MYO7A: variants seen among roughly 807,000 people sequenced by gnomAD.
The protein encoded by MYO7A is myosin VIIA, also known as unconventional myosin-VIIa.
A neutral mutation model predicts 263.8 loss-of-function variants in MYO7A; 210 were observed. That is an observed-to-expected ratio of 0.80 (90% CI 0.71 to 0.89). The LOEUF is 0.89. MYO7A is among the 40% of genes least tolerant of loss of function. The probability of loss-of-function intolerance (pLI) is 0.00; values close to 1 mark genes in which losing one functional copy is unlikely to be tolerated. For synonymous variants in MYO7A, 1,239 were observed against 1,197.3 expected (o/e 1.03, Z -0.72); for missense variants, 2,820 against 2,968.3 (o/e 0.95, Z 1.16).
chr11:77,205,763 C>T lies in MYO7A; in HGVS notation c.5636+146C>T, dbSNP rs767632719. Reference sequence around the variant, plus strand: ...CTCAACTGCCAGCTAGACGGAGGTGCGGATCCTGCAGCTGCTCAGGATGCA... The same window carrying T: ...CTCAACTGCCAGCTAGACGGAGGTGTGGATCCTGCAGCTGCTCAGGATGCA... On this transcript the variant is annotated intron_variant, in intron 40 of 48. Coordinates refer to ENST00000409709, the MANE Select transcript of MYO7A (RefSeq NM_000260.4). The T allele has an allele frequency of 6.1e-4, 693 of 1,141,150 alleles. 5 individuals are homozygous for T. The highest frequency in any genetic ancestry group is 3.3e-3 in the South Asian group (215 of 65,490). 70.7% of individuals were successfully genotyped at this position (1,141,150 alleles called of 1,614,324 possible). A position where few individuals can be genotyped will look rare whatever the true frequency, so the allele number is the denominator to read the frequency against.
intron 19 of MYO7A, 79 bp from the exon 20 acceptor site, chr11:77,178,966 G>A (rs571443997): frequency 1.7e-4 from 191 of 1,129,114 alleles, no homozygotes; most frequent in Non-Finnish European, 9.9e-5. Context: ...GGGACTCAGC[G>A]TGCCCTCCTG....
At position 77,156,032 on chromosome 11, in the gene MYO7A, T is replaced by C. The variant is rs1555061771; in HGVS notation, c.411T>C (p.Ile137=). The change falls in exon 5 of 49, where the codon ATT becomes ATC. Residue 137 remains isoleucine (I), a synonymous_variant. Transcript: ENST00000409709. The stretch of plus-strand genomic sequence containing the variant: ...AGATGCCCCCCCACATCTTTGCCAT[T>C]GCTGACAACTGCTACTTCAACATGA... ...IGEMPPHIFA[I]ADNCYFNMKR... is the part of the protein sequence containing the mutation. The C allele has an allele frequency of 1.2e-6, 2 of 1,613,992 alleles. No individual in the cohort carries two copies. The highest frequency in any genetic ancestry group is 1.7e-6 in the Non-Finnish European group (2 of 1,179,894).
Position 77,199,561 on chromosome 11 carries a change from G to T in MYO7A, c.4595G>T (p.Gly1532Val). Residue 1532 changes from glycine to valine, a missense_variant, in exon 35 of 49, where the codon GGC becomes GTC. Coordinates refer to ENST00000409709, the MANE Select transcript of MYO7A (RefSeq NM_000260.4). ...SRECRVWLSL[G>V]CSDLGCAAPH... ...GAGTGCCGTGTCTGGCTCTCACTGG[G>T]CTGCTCTGATCTTGGCTGTGCTGCG... 1 of 1,529,328 alleles carries T rather than the reference G, an allele frequency of 6.5e-7. No individual in the cohort carries two copies. The allele number at this position is 1,529,328 out of a possible 1,614,324, so 94.7% of individuals were successfully genotyped here. A position where few individuals can be genotyped will look rare whatever the true frequency, so the allele number is the denominator to read the frequency against.
Position 77,189,435 on chromosome 11 carries a change from G to C in MYO7A, c.3595G>C (p.Val1199Leu). The change falls in exon 28 of 49, where the codon GTG becomes CTG. Residue 1199 changes from valine to leucine, a missense_variant. Val to Leu is a conservative substitution (Grantham distance 32). Transcript: ENST00000409709. Reference sequence around the variant, plus strand: ...GGGCTGGATTCTCGTGTCTCTCTGCGTGGGCTGTTTCGCCCCCTCCGAGAA... The same window carrying C: ...GGGCTGGATTCTCGTGTCTCTCTGCCTGGGCTGTTTCGCCCCCTCCGAGAA... ...ARGWILVSLC[V>L]GCFAPSEKFV... 1.2e-6 allele frequency: 2 copies of C among 1,613,900 alleles called. No homozygotes were observed. The highest frequency in any genetic ancestry group is 1.7e-6 in the Non-Finnish European group (2 of 1,179,894).
chr11:77,208,108 G>T (rs954007651), intron 42 of MYO7A, among the ~76,000 whole-genome samples: 1 of 152,234 alleles, frequency 6.6e-6, no homozygotes, highest in Non-Finnish European at 1.5e-5. Flanking sequence ...GCCCAGAGCT[G>T]CAGGAGGAGC....
intron 16 of MYO7A, among the ~76,000 whole-genome samples, chr11:77,173,580 C>T (rs1358359393): frequency 6.6e-6 from 1 of 152,090 alleles, no homozygotes; most frequent in South Asian, 2.1e-4. Context: ...CACCTCGCTG[C>T]GAGCCCTCTC....
chr11:77,132,905 C>T (rs1370884709), intron 2 of MYO7A, among the ~76,000 whole-genome samples: 1 of 152,222 alleles, frequency 6.6e-6, no homozygotes, highest in African/African-American at 2.4e-5. Context: ...CTGGGCCCGG[C>T]CTGTGGAACT....
rs1555079121 is a variant in MYO7A, at chr11:77,174,904, C to G, written c.2084C>G (p.Ala695Gly). 2.5e-6 allele frequency: 4 copies of G among 1,613,468 alleles called. No homozygotes were observed. Among genetic ancestry groups the G allele is most frequent in the Non-Finnish European group, 3.4e-6 (4 of 1,179,804 alleles). Residue 695 changes from alanine (A) to glycine (G), a missense_variant, in exon 17 of 49, where the codon GCC becomes GGC. Coordinates refer to ENST00000409709, the MANE Select transcript of MYO7A (RefSeq NM_000260.4). ...YRVLLPGVKP[A>G]YKQGDLRGTC... ...GTGCTGCTGCCAGGTGTGAAGCCGG[C>G]CTACAAGCAGGTACAGGGCTGAGTG... is the stretch of plus-strand genomic sequence containing the variant.
At chr11:77,212,396 A>G in intron 46 of MYO7A, 1 of 359,892 alleles carries the variant, frequency 2.8e-6, no homozygotes, top group East Asian at 7.4e-5. Flanking sequence ...TAGTGAGGGC[A>G]GGAGGCGAGA....
At position 77,199,592 on chromosome 11, in the gene MYO7A, C is replaced by A; in HGVS notation, c.4626C>A (p.His1542Gln). The A allele has an allele frequency of 6.3e-7, 1 of 1,583,532 alleles. No homozygotes were observed. The highest frequency in any genetic ancestry group is 8.6e-7 in the Non-Finnish European group (1 of 1,163,990). Reference sequence around the variant, plus strand: ...CTGATCTTGGCTGTGCTGCGCCTCACTCAGGCTGGGCAGGACTGACCCCGG... The same window carrying A: ...CTGATCTTGGCTGTGCTGCGCCTCAATCAGGCTGGGCAGGACTGACCCCGG... ...GCSDLGCAAP[H>Q]SGWAGLTPAG... is the part of the protein sequence containing the mutation. Residue 1542 changes from histidine to glutamine, a missense_variant, in exon 35 of 49, where the codon CAC becomes CAA. His to Gln is a conservative substitution (Grantham distance 24, BLOSUM62 0). Coordinates refer to ENST00000409709, the MANE Select transcript of MYO7A (RefSeq NM_000260.4).
chr11:77,183,001 T>A (rs200291565), intron 25 of MYO7A, 67 bp from the exon 26 acceptor site: 2 of 1,347,888 alleles, frequency 1.5e-6, no homozygotes, highest in East Asian at 5.0e-5. Context: ...CGCAAAGTCT[T>A]GCTGTCGGGG....
At chr11:77,211,662 C>T (rs551992735) in intron 45 of MYO7A, among the ~76,000 whole-genome samples, 159 bp from the exon 46 acceptor site, 1 of 152,296 alleles carries the variant, frequency 6.6e-6, no homozygotes. Flanking sequence ...GAGCCCTTCA[C>T]AGTCCCCAGG....
At chr11:77,163,032 C>CT (rs781979113) in intron 14 of MYO7A, 44 bp downstream of exon 14, 7 of 1,603,128 alleles carry the variant, frequency 4.4e-6, no homozygotes, top group Non-Finnish European at 6.0e-6. Context: ...GCCCGTGGCC[C>CT]TGCCTTCCCC....
chr11:77,212,853 G>A, intron 46 of MYO7A, 99 bp from the exon 47 acceptor site: 1 of 994,424 alleles, frequency 1.0e-6, no homozygotes, highest in Non-Finnish European at 1.6e-6. Context: ...CAACAGGAGA[G>A]GCTGACTTTA....
rs1555054593 is a variant in MYO7A at position 77,147,803 on chromosome 11, C to G, written c.138C>G (p.His46Gln). ...GACGTTCTGGCTCCCCGCAGGAACA[C>G]TGGATCTCTCCGCAGAACGCAACGC... ...VQVVDDEDNE[H>Q]WISPQNATHI... Residue 46 changes from histidine (H) to glutamine (Q), a missense_variant, in exon 4 of 49, where the codon CAC becomes CAG. His to Gln is a conservative substitution (Grantham distance 24, BLOSUM62 0). Coordinates refer to ENST00000409709, the MANE Select transcript of MYO7A (RefSeq NM_000260.4). 1 of 1,610,180 alleles carries G rather than the reference C, an allele frequency of 6.2e-7. No individual in the cohort carries two copies. Among genetic ancestry groups the G allele is most frequent in the Non-Finnish European group, 8.5e-7 (1 of 1,178,884 alleles).
At chr11:77,205,437 C>CT in intron 39 of MYO7A, 25 bp from the exon 40 acceptor site, 1 of 1,549,496 alleles carries the variant, frequency 6.5e-7, no homozygotes, top group Non-Finnish European at 8.7e-7. Context: ...GCTGCCCCTG[C>CT]TGGAGCCCAC....
Position 77,201,355 on chromosome 11 carries a change from G to T in MYO7A, c.4853-93G>T, listed in dbSNP as rs1326461847. 5 of 1,292,144 alleles carry T rather than the reference G, an allele frequency of 3.9e-6. No individual in the cohort carries two copies. In the East Asian group the frequency reaches 1.3e-4, roughly 33 times the overall value. 80.0% of individuals were successfully genotyped at this position (1,292,144 alleles called of 1,614,324 possible). On this transcript the variant is annotated intron_variant, in intron 35 of 48. Transcript: ENST00000409709. ...GTGGAGGCAGAGTGGCAAGTGGGCA[G>T]ACATGAGTGATAACACCTCAGTTCT...
intron 38 of MYO7A, 41 bp from the exon 39 acceptor site, chr11:77,204,035 C>T: frequency 6.4e-7 from 1 of 1,555,038 alleles, no homozygotes; most frequent in Non-Finnish European, 8.7e-7. Context: ...CAGGCCAGTG[C>T]TCCCTCTATT....
At position 77,136,418 on chromosome 11, in the gene MYO7A, A is replaced by G. The variant is rs868945972; in HGVS notation, c.18+5766A>G. Among the ~76,000 whole-genome samples, 5 of 152,164 alleles carry G rather than the reference A, an allele frequency of 3.3e-5. No homozygotes were observed. In the South Asian group the frequency reaches 8.3e-4, roughly 25 times the overall value. Reference sequence around the variant, plus strand: ...AACCAGGCAAGGTCAGGTTCTTAGCACCTTGCAGGGTCTCCCCCAGGGGAC... The same window carrying G: ...AACCAGGCAAGGTCAGGTTCTTAGCGCCTTGCAGGGTCTCCCCCAGGGGAC... On this transcript the variant is annotated intron_variant, in intron 2 of 48. Transcript: ENST00000409709.
Sources: gnomAD v4.1 joint callset for allele counts (sites outside exome capture counted in the v4.1 genomes callset) on GRCh38, gnomAD v4.1.1 for gene constraint, MANE v1.5 for transcripts, NCBI Gene and HGNC (gene_info 2026-07-23, HGNC 2026-07-21) for gene names.